Variants in COMMD10 observed in about 807,000 individuals in gnomAD.
COMMD10 encodes COMM domain containing 10.
COMMD10 carries 33 observed loss-of-function variants against 28.9 expected under a neutral mutation model. That is an observed-to-expected ratio of 1.14 (90% CI 0.87 to 1.53). COMMD10 has a LOEUF of 1.53. COMMD10 is among the 40% of genes most tolerant of loss of function. The pLI is 0.00. For synonymous variants in COMMD10, 110 were observed against 81.7 expected, an observed-to-expected ratio of 1.35 and a Z score of -1.87; for missense variants, 310 against 233.4, an observed-to-expected ratio of 1.33 and a Z score of -2.14.
chr5:116,102,840 C>T (rs889668453), intron 4 of COMMD10, among the ~76,000 whole-genome samples: 4 of 152,076 alleles, frequency 2.6e-5, no homozygotes, highest in Admixed American at 1.3e-4. Context: ...TGACAGGCCC[C>T]AGTGTGTGAT....
At chr5:116,251,188 T>C (rs761925527) in intron 5 of COMMD10, among the ~76,000 whole-genome samples, 1 of 151,982 alleles carries the variant, frequency 6.6e-6, no homozygotes, top group Non-Finnish European at 1.5e-5. Flanking sequence ...CATTATGTTC[T>C]TACCTTCAGT....
intron 5 of COMMD10, among the ~76,000 whole-genome samples, chr5:116,176,861 A>G (rs1753529726): frequency 6.6e-6 from 1 of 152,174 alleles, no homozygotes; most frequent in South Asian, 2.1e-4. Context: ...GTGAGTAACT[A>G]TAAAAGTGTA....
At chr5:116,213,717 A>G (rs1178249184) in intron 5 of COMMD10, among the ~76,000 whole-genome samples, 3 of 151,956 alleles carry the variant, frequency 2.0e-5, no homozygotes, top group Admixed American at 6.6e-5. Context: ...ATATTTTTTT[A>G]TTAGTCTTAT....
intron 5 of COMMD10, among the ~76,000 whole-genome samples, chr5:116,283,369 C>G (rs1341916449): frequency 6.7e-6 from 1 of 149,606 alleles, no homozygotes; most frequent in Non-Finnish European, 1.5e-5. Context: ...TTTTTTAAGA[C>G]AGTGTCTTGC....
chr5:116,233,935 A>G (rs1308603636), intron 5 of COMMD10, among the ~76,000 whole-genome samples: 1 of 152,194 alleles, frequency 6.6e-6, no homozygotes, highest in African/African-American at 2.4e-5. Context: ...GAAGGGTTCT[A>G]GAAGAATCCT....
At chr5:116,164,335 T>A (rs1753022458) in intron 5 of COMMD10, among the ~76,000 whole-genome samples, 1 of 148,266 alleles carries the variant, frequency 6.7e-6, no homozygotes, top group Admixed American at 6.8e-5. Flanking sequence ...AAAATAAAAA[T>A]AAAATAAAAA....
intron 4 of COMMD10, among the ~76,000 whole-genome samples, chr5:116,122,252 T>G (rs560867330): frequency 6.6e-6 from 1 of 152,344 alleles, no homozygotes; most frequent in East Asian, 1.9e-4. Flanking sequence ...CTTTCCCCAT[T>G]TCTTGTTTTT....
chr5:116,128,144 G>T (rs940648635), intron 4 of COMMD10, among the ~76,000 whole-genome samples: 16 of 151,984 alleles, frequency 1.1e-4, no homozygotes, highest in Non-Finnish European at 2.4e-4. Context: ...TTCCTATTTT[G>T]AGGAGTTAAT....
At position 116,196,487 on chromosome 5, in the gene COMMD10, C is replaced by G. The variant is rs541579593; in HGVS notation, c.510+62309C>G. Among the ~76,000 whole-genome samples the G allele has an allele frequency of 2.7e-4, 40 of 146,852 alleles. 1 individual carries two copies. The highest frequency in any genetic ancestry group is 9.8e-4 in the African/African-American group (37 of 37,584). ...CCGAATACCACCTGTACCCCAGTAA[C>G]TTATGGAAAAATAAATATGTTAAAA... On this transcript the variant is annotated intron_variant, in intron 5 of 6. Coordinates refer to ENST00000274458, the MANE Select transcript of COMMD10 (RefSeq NM_016144.4).
At chr5:116,202,100 T>C (rs1168711136) in intron 5 of COMMD10, among the ~76,000 whole-genome samples, 2 of 143,814 alleles carry the variant, frequency 1.4e-5, no homozygotes, top group Non-Finnish European at 3.0e-5. Flanking sequence ...TGTGTTCTCA[T>C]TGTTCAATTC....
chr5:116,138,965 G>A (rs1282893382), intron 5 of COMMD10, among the ~76,000 whole-genome samples: 1 of 151,644 alleles, frequency 6.6e-6, no homozygotes, highest in Non-Finnish European at 1.5e-5. Context: ...GATAAATGGA[G>A]ACACGGAAGC....
chr5:116,145,969 G>T (rs1296013599), intron 5 of COMMD10, among the ~76,000 whole-genome samples: 2 of 151,812 alleles, frequency 1.3e-5, no homozygotes, highest in African/African-American at 2.4e-5. Context: ...GTTCTTAATA[G>T]CAGTATGAAA....
At chr5:116,243,470 A>C (rs1038004484) in intron 5 of COMMD10, among the ~76,000 whole-genome samples, 14 of 152,178 alleles carry the variant, frequency 9.2e-5, no homozygotes, top group Non-Finnish European at 1.5e-4. Flanking sequence ...AAATTATAAA[A>C]CATACAAATT....
At chr5:116,157,157 A>G (rs957228088) in intron 5 of COMMD10, among the ~76,000 whole-genome samples, 2 of 152,152 alleles carry the variant, frequency 1.3e-5, no homozygotes, top group Non-Finnish European at 2.9e-5. Context: ...AGTTTTTCCT[A>G]ATAGATTGCT....
intron 5 of COMMD10, among the ~76,000 whole-genome samples, chr5:116,278,218 G>T (rs17139353): frequency 0.14 from 21,439 of 151,506 alleles, 2,038 homozygotes; most frequent in African/African-American, 0.25. Context: ...ATTGTTTTTA[G>T]CTGTCAATGC....
At chr5:116,226,828 T>G in intron 5 of COMMD10, among the ~76,000 whole-genome samples, 1 of 152,036 alleles carries the variant, frequency 6.6e-6, no homozygotes, top group Non-Finnish European at 1.5e-5. Context: ...TTCAAGGATA[T>G]TCCTATTTTC....
intron 5 of COMMD10, among the ~76,000 whole-genome samples, chr5:116,269,154 C>T (rs1268904284): frequency 1.3e-5 from 2 of 151,698 alleles, no homozygotes; most frequent in African/African-American, 2.4e-5. Flanking sequence ...TTTTTACTGT[C>T]ATGAATTTTT....
At position 116,276,674 on chromosome 5, in the gene COMMD10, C is replaced by G. The variant is rs1384352294; in HGVS notation, c.511-14843C>G. The stretch of plus-strand genomic sequence containing the variant: ...TCAGTTATTTAAATTAAGATACAAG[C>G]CTTGCTAAACAGAATTTTTACTGAT... On this transcript the variant is annotated intron_variant, in intron 5 of 6. Transcript: ENST00000274458. 2.0e-5 allele frequency among the ~76,000 whole-genome samples: 3 copies of G among 151,832 alleles called. No individual in the cohort carries two copies. The East Asian group carries it at 5.8e-4, about 29-fold the overall frequency.
chr5:116,229,745 C>T (rs1365793170), intron 5 of COMMD10, among the ~76,000 whole-genome samples: 1 of 151,750 alleles, frequency 6.6e-6, no homozygotes. Flanking sequence ...ATTTGTCCAG[C>T]AAGTGAAAAG....
Sources: allele counts gnomAD v4.1 joint callset (sites outside exome capture counted in the v4.1 genomes callset), GRCh38; gene constraint gnomAD v4.1.1; transcripts MANE v1.5; gene names NCBI Gene and HGNC (gene_info 2026-07-23, HGNC 2026-07-21).